The following SPIRE1 variants were observed in gnomAD, a reference collection of about 807,000 sequenced individuals.
SPIRE1 encodes the protein protein spire homolog 1.
In SPIRE1, 40 loss-of-function variants were observed where a neutral mutation model predicts 94.1. That is an observed-to-expected ratio of 0.43 (90% CI 0.33 to 0.55). The LOEUF is 0.55. Among genes scored for constraint, SPIRE1 ranks in the 20% least tolerant of loss-of-function variants. The pLI is 0.06. For synonymous variants in SPIRE1, 376 were observed against 371.7 expected, an observed-to-expected ratio of 1.01 and a Z score of -0.13; for missense variants, 838 against 975.2, an observed-to-expected ratio of 0.86 and a Z score of 1.87.
At chr18:12,521,424 C>T (rs9958290) in intron 4 of SPIRE1, among the ~76,000 whole-genome samples, 18,888 of 151,818 alleles carry the variant, frequency 0.12, 1,440 homozygotes, top group East Asian at 0.32. Flanking sequence ...ACCTCTGCCT[C>T]CCAGGTTCAA....
chr18:12,507,653 C>T (rs918886488), intron 5 of SPIRE1, among the ~76,000 whole-genome samples: 4 of 150,022 alleles, frequency 2.7e-5, no homozygotes, highest in South Asian at 2.1e-4. Context: ...GAGCCCAGAT[C>T]GCACCACTGT....
At chr18:12,488,078 G>A (rs1361281781) in intron 8 of SPIRE1, among the ~76,000 whole-genome samples, 1 of 152,102 alleles carries the variant, frequency 6.6e-6, no homozygotes, top group African/African-American at 2.4e-5. Flanking sequence ...CACAGTCTTC[G>A]TTTTCCATTC....
intron 10 of SPIRE1, among the ~76,000 whole-genome samples, chr18:12,477,800 T>C (rs2032663870): frequency 6.6e-6 from 1 of 152,028 alleles, no homozygotes; most frequent in Non-Finnish European, 1.5e-5. Flanking sequence ...TGAGCACCGA[T>C]GGGCTGTGCA....
intron 2 of SPIRE1, among the ~76,000 whole-genome samples, chr18:12,583,190 C>T (rs2036302777): frequency 6.6e-6 from 1 of 152,114 alleles, no homozygotes; most frequent in South Asian, 2.1e-4. Context: ...TAAACAGGGG[C>T]CAGGCTCAGG....
intron 1 of SPIRE1, among the ~76,000 whole-genome samples, chr18:12,635,786 C>T (rs1004094023): frequency 8.5e-5 from 13 of 152,090 alleles, no homozygotes; most frequent in African/African-American, 3.1e-4. Flanking sequence ...ACAAAAACAG[C>T]TATTTTAAAG....
At chr18:12,581,301 A>G (rs2036250795) in intron 2 of SPIRE1, among the ~76,000 whole-genome samples, 2 of 152,230 alleles carry the variant, frequency 1.3e-5, no homozygotes, top group African/African-American at 2.4e-5. Context: ...TATTATTACT[A>G]TAGGACTTTG....
At chr18:12,531,845 A>C (rs1019317344) in intron 4 of SPIRE1, among the ~76,000 whole-genome samples, 1 of 152,228 alleles carries the variant, frequency 6.6e-6, no homozygotes, top group Non-Finnish European at 1.5e-5. Context: ...TCCAATAAAA[A>C]ATTTTACAAT....
chr18:12,469,294 T>C (rs932648076), intron 10 of SPIRE1, among the ~76,000 whole-genome samples: 3 of 151,670 alleles, frequency 2.0e-5, no homozygotes, highest in Admixed American at 2.0e-4. Context: ...TTTCCGCCTC[T>C]TGGGTTCAAG....
At chr18:12,484,734 A>C (rs2032972636) in intron 9 of SPIRE1, among the ~76,000 whole-genome samples, 1 of 152,198 alleles carries the variant, frequency 6.6e-6, no homozygotes, top group Non-Finnish European at 1.5e-5. Context: ...TCTAACTTGC[A>C]AAATATTTTA....
Position 12,594,138 on chromosome 18 carries a change from T to C in SPIRE1, c.372+40924A>G, listed in dbSNP as rs143101757. ...ACAAATGTGTATTAGCTAGGCAAAG[T>C]AGGAAATGTGTTATGGGCAAAAGGA... On this transcript the variant is annotated intron_variant, in intron 2 of 16. Transcript: ENST00000409402. Among the ~76,000 whole-genome samples, 367 of 152,052 alleles carry C rather than the reference T, an allele frequency of 2.4e-3. 3 individuals carry two copies. Among genetic ancestry groups the C allele is most frequent in the South Asian group, 0.014 (69 of 4,810 alleles).
intron 2 of SPIRE1, among the ~76,000 whole-genome samples, chr18:12,598,523 A>C (rs1182745015): frequency 6.6e-6 from 1 of 152,190 alleles, no homozygotes; most frequent in Admixed American, 6.5e-5. Flanking sequence ...AGAAAAATTT[A>C]AATATTATCA....
chr18:12,464,737 G>GATCAGTGA lies in SPIRE1; in HGVS notation c.1495+123_1495+130dup. The stretch of plus-strand genomic sequence containing the variant: ...TTGGAAAATAAGTATTTCATCTCCC[G>GATCAGTGA]ATCAGTGAAATGCCTGAGTTAGTTC... On this transcript the variant is annotated intron_variant, in intron 11 of 16. Transcript: ENST00000409402. 5.9e-6 allele frequency: 4 copies of GATCAGTGA among 677,910 alleles called. No homozygotes were observed. In the Admixed American group the frequency reaches 1.1e-4, roughly 19 times the overall value. The allele number at this position is 677,910 out of a possible 1,614,324, so 42.0% of individuals were successfully genotyped here.
intron 11 of SPIRE1, among the ~76,000 whole-genome samples, chr18:12,464,638 C>T (rs552489410): frequency 1.3e-5 from 2 of 152,266 alleles, no homozygotes; most frequent in East Asian, 1.9e-4. Context: ...TATAATATTT[C>T]CCATGACTAT....
Position 12,512,505 on chromosome 18 carries a change from T to A in SPIRE1, c.756A>T (p.Glu252Asp). Residue 252 changes from glutamate (E) to aspartate (D), a missense_variant, in exon 5 of 17, where the codon GAA becomes GAT. Around this residue, in one of 2 missense-constraint regions of SPIRE1, gnomAD observed 645 missense variants for 804.7 expected, o/e 0.80. Transcript: ENST00000409402. ...KENLKKIQEM[E>D]KSDESSTDLE... ...AGTCTGTGCTAGATTCATCGCTCTTTTCCATTTCTTGAATCTTCTTAAGAT... is the reference window on the plus strand; with the variant it reads ...AGTCTGTGCTAGATTCATCGCTCTTATCCATTTCTTGAATCTTCTTAAGAT... The A allele has an allele frequency of 6.2e-7, 1 of 1,611,856 alleles. No individual in the cohort carries two copies. The highest frequency in any genetic ancestry group is 8.5e-7 in the Non-Finnish European group (1 of 1,178,526).
At chr18:12,627,162 T>C (rs2037654689) in intron 2 of SPIRE1, among the ~76,000 whole-genome samples, 1 of 151,958 alleles carries the variant, frequency 6.6e-6, no homozygotes, top group South Asian at 2.1e-4. Flanking sequence ...CCATGTTGGT[T>C]TGTTGCACCC....
At chr18:12,583,856 G>T (rs776601567) in intron 2 of SPIRE1, among the ~76,000 whole-genome samples, 2 of 151,786 alleles carry the variant, frequency 1.3e-5, no homozygotes, top group Non-Finnish European at 2.9e-5. Flanking sequence ...GCCTAGAAGG[G>T]TTAGAAGCTG....
chr18:12,520,995 T>C (rs1416019384), intron 4 of SPIRE1, among the ~76,000 whole-genome samples: 2 of 152,196 alleles, frequency 1.3e-5, no homozygotes, highest in Non-Finnish European at 2.9e-5. Flanking sequence ...ATTTGGCTAC[T>C]GGCTTGATAA....
intron 12 of SPIRE1, among the ~76,000 whole-genome samples, chr18:12,455,829 G>A (rs1216160152): frequency 3.3e-5 from 5 of 152,208 alleles, no homozygotes; most frequent in African/African-American, 7.2e-5. Context: ...ACACGCCAGT[G>A]AGAAAGCACA....
At chr18:12,454,640 A>G in intron 12 of SPIRE1, 157 bp from the exon 13 acceptor site, 1 of 633,066 alleles carries the variant, frequency 1.6e-6, no homozygotes, top group South Asian at 1.9e-5. Flanking sequence ...TGGGGACCAC[A>G]TCATTTCCAA....
Sources: gnomAD v4.1 joint callset for allele counts (sites outside exome capture counted in the v4.1 genomes callset) on GRCh38, gnomAD v4.1.1 for gene constraint, gnomAD v4.1.1 regional missense constraint, MANE v1.5 for transcripts, NCBI Gene and HGNC (gene_info 2026-07-23, HGNC 2026-07-21) for gene names.